The following NXPE4 variants were observed in gnomAD, a reference collection of about 807,000 sequenced individuals.
NXPE4 encodes neurexophilin and PC-esterase domain family member 4.
A neutral mutation model predicts 33.3 loss-of-function variants in NXPE4; 42 were observed. That is an observed-to-expected ratio of 1.26 (90% CI 0.98 to 1.63). The LOEUF is 1.63. Ranked by LOEUF, NXPE4 falls within the 40% of genes most tolerant of loss-of-function variation. NXPE4 has a pLI of 0.00. For synonymous variants in NXPE4, 253 were observed against 234.9 expected, an observed-to-expected ratio of 1.08 and a Z score of -0.71; for missense variants, 709 against 647.6, an observed-to-expected ratio of 1.09 and a Z score of -1.03.
At chr11:114,623,204 C>T in the NXPE4 span, among the ~76,000 whole-genome samples, 3 of 151,592 alleles carry the variant, frequency 2.0e-5, no homozygotes, top group African/African-American at 4.9e-5. Flanking sequence ...ACCATTGTTA[C>T]CCAGTGGATC....
In NXPE4 at chr11:114,580,319, T is replaced by C; in HGVS notation, c.912A>G (p.Lys304=). The part of the protein sequence containing the change: ...SKCNKETVAM[K]EKCKFGMTST... Reference sequence around the variant, plus strand: ...ATGTCATTCCAAACTTGCATTTCTCTTTCATTGCAACTGTTTCTTCTGCCA... The same window carrying C: ...ATGTCATTCCAAACTTGCATTTCTCCTTCATTGCAACTGTTTCTTCTGCCA... Residue 304 remains lysine (K), a synonymous_variant, in exon 5 of 6, where the codon AAA becomes AAG. Coordinates refer to ENST00000375478, the MANE Select transcript of NXPE4 (RefSeq NM_001077639.2). 1 of 1,613,952 alleles carries C rather than the reference T, an allele frequency of 6.2e-7. No homozygotes were observed. Among genetic ancestry groups the C allele is most frequent in the African/African-American group, 1.3e-5 (1 of 75,050 alleles).
At chr11:114,639,267 G>C in the NXPE4 span, among the ~76,000 whole-genome samples, 5 of 152,030 alleles carry the variant, frequency 3.3e-5, no homozygotes, top group Non-Finnish European at 7.4e-5. Context: ...AGGACCCTCC[G>C]AGCCAGGTGC....
the NXPE4 span, among the ~76,000 whole-genome samples, chr11:114,674,759 T>C: frequency 6.6e-6 from 1 of 151,756 alleles, no homozygotes; most frequent in Non-Finnish European, 1.5e-5. Context: ...CCCAAACTCT[T>C]CCAAACAATT....
At chr11:114,597,694 T>C (rs933812813), upstream of NXPE4, among the ~76,000 whole-genome samples, 2 of 152,000 alleles carry the variant, frequency 1.3e-5, no homozygotes, top group African/African-American at 4.8e-5. Flanking sequence ...TCAGGGGATA[T>C]GAAATGAGCC....
chr11:114,577,029 A>G (rs1311830182), intron 5 of NXPE4, among the ~76,000 whole-genome samples: 14 of 25,556 alleles, frequency 5.5e-4, no homozygotes, highest in East Asian at 5.4e-3. Context: ...ATATATATAC[A>G]TATATATATA....
At chr11:114,579,451 C>A (rs1272879119) in intron 5 of NXPE4, among the ~76,000 whole-genome samples, 1 of 152,094 alleles carries the variant, frequency 6.6e-6, no homozygotes, top group Non-Finnish European at 1.5e-5. Context: ...AATAACATGC[C>A]CAAAGTCATT....
the NXPE4 span, among the ~76,000 whole-genome samples, chr11:114,649,058 G>A: frequency 5.3e-5 from 8 of 151,698 alleles, no homozygotes; most frequent in South Asian, 1.5e-3. Context: ...TGGTCACATG[G>A]TTATAACTGA....
intron 5 of NXPE4, among the ~76,000 whole-genome samples, chr11:114,577,194 A>G (rs973524944): frequency 5.4e-5 from 8 of 149,288 alleles, no homozygotes; most frequent in Non-Finnish European, 1.0e-4. Context: ...TGTTATACAC[A>G]CACACTGTGG....
chr11:114,589,427 G>A (rs1949389207), intron 2 of NXPE4, among the ~76,000 whole-genome samples: 1 of 152,094 alleles, frequency 6.6e-6, no homozygotes, highest in Non-Finnish European at 1.5e-5. Flanking sequence ...ATAGCATGAG[G>A]GGTGTGGGGT....
chr11:114,663,121 A>G, the NXPE4 span, among the ~76,000 whole-genome samples: 1 of 152,158 alleles, frequency 6.6e-6, no homozygotes, highest in South Asian at 2.1e-4. Context: ...GGCTGACTGA[A>G]GAGCCCTTGG....
At chr11:114,653,087 T>C in the NXPE4 span, among the ~76,000 whole-genome samples, 1 of 152,228 alleles carries the variant, frequency 6.6e-6, no homozygotes, top group Non-Finnish European at 1.5e-5. Context: ...TCATTGAATG[T>C]ATAAATTTTC....
At chr11:114,643,230 T>C in the NXPE4 span, among the ~76,000 whole-genome samples, 6 of 152,142 alleles carry the variant, frequency 3.9e-5, no homozygotes, top group Admixed American at 3.9e-4. Flanking sequence ...GATGATAGTT[T>C]CTTTTGCTGT....
In NXPE4 at chr11:114,582,373, T is replaced by C. The variant is rs1441126678; in HGVS notation, c.745A>G (p.Met249Val). 8.1e-6 allele frequency: 13 copies of C among 1,614,054 alleles called. No homozygotes were observed. Among genetic ancestry groups the C allele is most frequent in the Non-Finnish European group, 1.1e-5 (13 of 1,179,990 alleles). Residue 249 changes from methionine to valine, a missense_variant, in exon 3 of 6, where the codon ATG becomes GTG. Transcript: ENST00000375478. ...EGFYCVRPQH[M>V]PCAALTHMYS... ...ATGTGAGTGAGTGCAGCACAGGGCA[T>C]GTGTTGAGGCCTCACACAGTAGAAG...
At chr11:114,645,596 G>A in the NXPE4 span, among the ~76,000 whole-genome samples, 1 of 151,988 alleles carries the variant, frequency 6.6e-6, no homozygotes, top group Admixed American at 6.6e-5. Context: ...TAAAATGCAA[G>A]GCATAAGCTA....
chr11:114,673,427 T>A, the NXPE4 span, among the ~76,000 whole-genome samples: 1 of 150,898 alleles, frequency 6.6e-6, no homozygotes, highest in Non-Finnish European at 1.5e-5. Flanking sequence ...CACTGGAAAA[T>A]GTAGAGCAAA....
chr11:114,650,939 T>G, the NXPE4 span, among the ~76,000 whole-genome samples: 1 of 152,104 alleles, frequency 6.6e-6, no homozygotes, highest in African/African-American at 2.4e-5. Context: ...CAGAGATGGC[T>G]GAGAGCACAT....
chr11:114,639,945 CAT>C, the NXPE4 span, among the ~76,000 whole-genome samples: 10 of 102,326 alleles, frequency 9.8e-5, no homozygotes, highest in Admixed American at 1.4e-4. Context: ...TTAAATATAA[CAT>C]AATAGTTTGT....
At chr11:114,651,487 T>G in the NXPE4 span, among the ~76,000 whole-genome samples, 12 of 152,308 alleles carry the variant, frequency 7.9e-5, no homozygotes, top group African/African-American at 2.9e-4. Context: ...CAAGATTTAT[T>G]GCAAAGAGCA....
the NXPE4 span, among the ~76,000 whole-genome samples, chr11:114,641,762 A>T: frequency 2.6e-5 from 4 of 152,234 alleles, no homozygotes; most frequent in African/African-American, 9.6e-5. Context: ...AGTACATTTG[A>T]TCAAGGGGAA....
Sources: allele counts gnomAD v4.1 joint callset (sites outside exome capture counted in the v4.1 genomes callset), GRCh38; gene constraint gnomAD v4.1.1; transcripts MANE v1.5; gene names NCBI Gene and HGNC (gene_info 2026-07-23, HGNC 2026-07-21).